Variants in GPR176 observed in about 807,000 individuals in gnomAD.
The protein encoded by GPR176 is G-protein coupled receptor 176.
GPR176 carries 26 observed loss-of-function variants against 35.4 expected under a neutral mutation model. The ratio of observed to expected loss-of-function variants is 0.74; its 90% confidence interval spans 0.54 to 1.02. The LOEUF is 1.02. Among genes scored for constraint, GPR176 ranks in the 50% least tolerant of loss-of-function variants. The pLI, the probability that GPR176 is intolerant of heterozygous loss-of-function variation, is 0.00. For missense variants in GPR176, 597 were observed against 665.3 expected, an observed-to-expected ratio of 0.90 and a Z score of 1.13; for synonymous variants, 278 against 271.3, an observed-to-expected ratio of 1.02 and a Z score of -0.24.
chr15:39,877,393 T>C (rs139491402), intron 1 of GPR176, among the ~76,000 whole-genome samples: 213 of 152,296 alleles, frequency 1.4e-3, no homozygotes, highest in Non-Finnish European at 2.5e-3. Flanking sequence ...AATCCAAATG[T>C]AGGCAAACAC....
chr15:39,886,992 G>C (rs947369144), intron 1 of GPR176, among the ~76,000 whole-genome samples: 3 of 152,130 alleles, frequency 2.0e-5, no homozygotes, highest in African/African-American at 4.8e-5. Flanking sequence ...GGGAACACGA[G>C]GTTATTTCCT....
At chr15:39,869,637 ATT>A (rs1440832076) in intron 1 of GPR176, among the ~76,000 whole-genome samples, 1 of 151,324 alleles carries the variant, frequency 6.6e-6, no homozygotes, top group Non-Finnish European at 1.5e-5. Context: ...TAATCCCTTC[ATT>A]CTTTTGTTTC....
At chr15:39,802,312 C>G in intron 2 of GPR176, 58 bp from the exon 3 acceptor site, 1 of 1,319,576 alleles carries the variant, frequency 7.6e-7, no homozygotes, top group Non-Finnish European at 1.0e-6. Flanking sequence ...ATTAGGGGAA[C>G]CTAAATCACC....
intron 1 of GPR176, among the ~76,000 whole-genome samples, chr15:39,849,512 C>T (rs2030704040): frequency 1.3e-5 from 2 of 152,090 alleles, no homozygotes; most frequent in Non-Finnish European, 1.5e-5. Context: ...AATAGTTACA[C>T]AAAAAGTCTT....
intron 1 of GPR176, among the ~76,000 whole-genome samples, chr15:39,861,698 G>A (rs1311036991): frequency 1.3e-5 from 2 of 152,172 alleles, no homozygotes; most frequent in Non-Finnish European, 2.9e-5. Context: ...CATAAACAGT[G>A]TGCCCAGCAG....
At chr15:39,873,539 T>C (rs1271809654) in intron 1 of GPR176, among the ~76,000 whole-genome samples, 2 of 151,880 alleles carry the variant, frequency 1.3e-5, no homozygotes, top group African/African-American at 4.8e-5. Flanking sequence ...AGCTAATCTG[T>C]GAATTTCATG....
chr15:39,801,061 G>A lies in GPR176; in HGVS notation c.*71C>T. 7.6e-7 allele frequency: 1 copy of A among 1,311,012 alleles called. No homozygotes were observed. The allele number at this position is 1,311,012 out of a possible 1,614,324, so 81.2% of individuals were successfully genotyped here. The stretch of plus-strand genomic sequence containing the variant: ...TTGCAAGGAGATCATACAATCACAT[G>A]GCCACAGCATTCCCACACTCTGGTG... On this transcript the variant is annotated 3_prime_UTR_variant, in exon 3 of 3. Coordinates refer to ENST00000561100, the MANE Select transcript of GPR176 (RefSeq NM_007223.3).
chr15:39,875,062 CA>C (rs923048914), intron 1 of GPR176, among the ~76,000 whole-genome samples: 1 of 151,906 alleles, frequency 6.6e-6, no homozygotes, highest in African/African-American at 2.4e-5. Flanking sequence ...AACAAACAAA[CA>C]AAAAATTAAC....
chr15:39,908,728 G>A (rs150462925), intron 1 of GPR176, among the ~76,000 whole-genome samples: 163 of 152,190 alleles, frequency 1.1e-3, no homozygotes, highest in African/African-American at 3.7e-3. Context: ...CTCCTAAGCA[G>A]ATACTCCTGG....
intron 1 of GPR176, chr15:39,829,424 G>T: frequency 1.0e-6 from 1 of 955,820 alleles, no homozygotes; most frequent in East Asian, 5.0e-5. Context: ...TGAGGTTGCA[G>T]GATCTACAGG....
chr15:39,907,992 AAAAC>A (rs1193201895), intron 1 of GPR176, among the ~76,000 whole-genome samples: 1 of 152,192 alleles, frequency 6.6e-6, no homozygotes, highest in African/African-American at 2.4e-5. Flanking sequence ...CTCAAAAACA[AAAAC>A]AAAACAAAAT....
intron 1 of GPR176, among the ~76,000 whole-genome samples, chr15:39,868,470 G>T (rs1397713825): frequency 1.3e-5 from 2 of 152,192 alleles, no homozygotes; most frequent in African/African-American, 4.8e-5. Context: ...ATACAAATGA[G>T]ATACGAAGTA....
At chr15:39,873,872 A>C (rs754255175) in intron 1 of GPR176, among the ~76,000 whole-genome samples, 1 of 152,054 alleles carries the variant, frequency 6.6e-6, no homozygotes, top group Non-Finnish European at 1.5e-5. Context: ...AAAAGTACAA[A>C]GTCAGATGGT....
chr15:39,883,242 T>C (rs1214994710), intron 1 of GPR176, among the ~76,000 whole-genome samples: 1 of 152,180 alleles, frequency 6.6e-6, no homozygotes, highest in African/African-American at 2.4e-5. Context: ...ATTTTCTATT[T>C]TGGTAAAATA....
intron 1 of GPR176, among the ~76,000 whole-genome samples, chr15:39,827,117 A>G (rs953752241): frequency 6.6e-6 from 1 of 152,184 alleles, no homozygotes; most frequent in African/African-American, 2.4e-5. Context: ...AGGAACAGGA[A>G]TTTATGCTAA....
chr15:39,855,225 A>G (rs994849907), intron 1 of GPR176, among the ~76,000 whole-genome samples: 1 of 152,192 alleles, frequency 6.6e-6, no homozygotes, highest in Non-Finnish European at 1.5e-5. Flanking sequence ...TTACAATGAC[A>G]AAGTACATCG....
chr15:39,876,964 A>G (rs2032273090), intron 1 of GPR176, among the ~76,000 whole-genome samples: 1 of 152,188 alleles, frequency 6.6e-6, no homozygotes, highest in African/African-American at 2.4e-5. Context: ...AATCAGGGGG[A>G]AAAAATAAGG....
At chr15:39,815,393 A>G (rs1899833324) in intron 1 of GPR176, 1 of 152,280 alleles carries the variant, frequency 6.6e-6, no homozygotes, top group African/African-American at 2.4e-5. Context: ...ATGTGGTCAG[A>G]ACGGGTGCCC....
chr15:39,910,185 A>G (rs2140877330), intron 1 of GPR176, among the ~76,000 whole-genome samples: 1 of 152,368 alleles, frequency 6.6e-6, no homozygotes, highest in African/African-American at 2.4e-5. Flanking sequence ...TATATGTTGT[A>G]AACTATAAAT....
Sources: gnomAD v4.1 joint callset for allele counts (sites outside exome capture counted in the v4.1 genomes callset) on GRCh38, gnomAD v4.1.1 for gene constraint, MANE v1.5 for transcripts, NCBI Gene and HGNC (gene_info 2026-07-23, HGNC 2026-07-21) for gene names.